Variants in SLC8A1 observed in about 807,000 individuals in gnomAD.
The protein encoded by SLC8A1 is solute carrier family 8 member A1.
In SLC8A1, 18 loss-of-function variants were observed where a neutral mutation model predicts 68.3. The observed-to-expected ratio is 0.26, with a 90% CI of 0.18 to 0.39. SLC8A1 has a LOEUF of 0.39. SLC8A1 is among the 10% of genes least tolerant of loss of function. The pLI, the probability that SLC8A1 is intolerant of heterozygous loss-of-function variation, is 1.00. For missense variants in SLC8A1, 985 were observed against 1,156.7 expected (o/e 0.85, Z 2.15); for synonymous variants, 475 against 415.5 (o/e 1.14, Z -1.74).
At chr2:40,364,509 C>T (rs1469554946) in intron 2 of SLC8A1, among the ~76,000 whole-genome samples, 3 of 148,684 alleles carry the variant, frequency 2.0e-5, no homozygotes, top group Admixed American at 6.7e-5. Context: ...AAATTGAATC[C>T]TTTTTTTTTG....
At chr2:40,127,186 G>A (rs1558453021) in intron 7 of SLC8A1, among the ~76,000 whole-genome samples, 1 of 152,154 alleles carries the variant, frequency 6.6e-6, no homozygotes, top group Non-Finnish European at 1.5e-5. Context: ...CTTGTCATTA[G>A]TATTCCACTG....
At chr2:40,167,008 C>T (rs1286103880) in intron 4 of SLC8A1, among the ~76,000 whole-genome samples, 1 of 152,052 alleles carries the variant, frequency 6.6e-6, no homozygotes, top group Non-Finnish European at 1.5e-5. Flanking sequence ...AGGCAATCTA[C>T]CTAGAAAAAA....
intron 6 of SLC8A1, among the ~76,000 whole-genome samples, chr2:40,159,154 G>A (rs368214177): frequency 1.3e-4 from 20 of 152,230 alleles, no homozygotes; most frequent in Admixed American, 2.6e-4. Flanking sequence ...GACTCTATAC[G>A]TATTTCCTGT....
chr2:40,277,800 A>G lies in SLC8A1; in HGVS notation c.1809-99945T>C, dbSNP rs1045560264. Among the ~76,000 whole-genome samples, 208 of 68,324 alleles carry G rather than the reference A, an allele frequency of 3.0e-3. 1 individual carries two copies. Among genetic ancestry groups the G allele is most frequent in the Middle Eastern group, 0.016 (2 of 126 alleles). 44.8% of individuals were successfully genotyped at this position (68,324 alleles called of 152,430 possible). On this transcript the variant is annotated intron_variant, in intron 2 of 7. Coordinates refer to ENST00000406785, the Ensembl canonical transcript of SLC8A1. ...TAAATATATATATATGTGTGTATAT[A>G]TATATATATATATATATATATATAT...
At chr2:40,439,725 G>C (rs1700125070) in intron 1 of SLC8A1, among the ~76,000 whole-genome samples, 1 of 152,058 alleles carries the variant, frequency 6.6e-6, no homozygotes, top group Admixed American at 6.6e-5. Context: ...ATCAACTTGA[G>C]GTTTTTAAGT....
chr2:40,289,867 T>A (rs1234914783), intron 2 of SLC8A1, among the ~76,000 whole-genome samples: 1 of 143,222 alleles, frequency 7.0e-6, no homozygotes, highest in Non-Finnish European at 1.5e-5. Context: ...TCTCAAAAAT[T>A]AAATTAAATT....
intron 2 of SLC8A1, among the ~76,000 whole-genome samples, chr2:40,352,613 CAA>C (rs765390964): frequency 1.2e-4 from 19 of 152,270 alleles, no homozygotes; most frequent in Admixed American, 2.0e-4. Context: ...TGGCTATAGG[CAA>C]AGAGTGGCTT....
chr2:40,219,740 T>C (rs1372585219), intron 2 of SLC8A1, among the ~76,000 whole-genome samples: 3 of 152,148 alleles, frequency 2.0e-5, no homozygotes, highest in Non-Finnish European at 4.4e-5. Flanking sequence ...ATTTTTAAGT[T>C]TGAGAAATAG....
intron 2 of SLC8A1, among the ~76,000 whole-genome samples, chr2:40,404,186 C>T (rs1309985380): frequency 6.6e-6 from 1 of 152,150 alleles, no homozygotes; most frequent in Non-Finnish European, 1.5e-5. Flanking sequence ...TCAGCCACTG[C>T]ACCCAGCCTA....
At chr2:40,473,076 G>T in intron 1 of SLC8A1, among the ~76,000 whole-genome samples, 1 of 151,852 alleles carries the variant, frequency 6.6e-6, no homozygotes, top group African/African-American at 2.4e-5. Flanking sequence ...GGGGCGGGAG[G>T]GTTGCAATTT....
chr2:40,435,679 T>C (rs35797248), intron 1 of SLC8A1, among the ~76,000 whole-genome samples: 7,736 of 152,246 alleles, frequency 0.051, 375 homozygotes, highest in East Asian at 0.26. Flanking sequence ...AAAGGAAAGA[T>C]AGACTTAGGA....
rs997067930 is a variant in SLC8A1 at position 40,373,593 on chromosome 2, C to T, written c.1808+54880G>A. ...ACTTACATAACCCTATTTAGCCTGC[C>T]GAACAATCCAGTGGAATAGTACTAA... On this transcript the variant is annotated intron_variant, in intron 2 of 7. Transcript: ENST00000406785. Among the ~76,000 whole-genome samples, 5 of 151,902 alleles carry T rather than the reference C, an allele frequency of 3.3e-5. No homozygotes were observed. In the South Asian group the frequency reaches 6.2e-4, roughly 19 times the overall value.
chr2:40,474,422 G>T (rs1239005968), intron 1 of SLC8A1, among the ~76,000 whole-genome samples: 2 of 152,066 alleles, frequency 1.3e-5, no homozygotes, highest in Non-Finnish European at 2.9e-5. Flanking sequence ...ACCTTAAATG[G>T]CCAGATTAAC....
intron 2 of SLC8A1, among the ~76,000 whole-genome samples, chr2:40,352,299 TATCTCTGAAATAA>T (rs1671348938): frequency 6.6e-6 from 1 of 152,180 alleles, no homozygotes; most frequent in Non-Finnish European, 1.5e-5. Context: ...TTAAGAACAT[TATCTCTGAAATAA>T]CATTTTCCAA....
chr2:40,270,058 G>T (rs1415900160), intron 2 of SLC8A1, among the ~76,000 whole-genome samples: 1 of 152,108 alleles, frequency 6.6e-6, no homozygotes, highest in Non-Finnish European at 1.5e-5. Context: ...TACAATAAAT[G>T]GTCAGTAGGT....
At chr2:40,366,494 A>C (rs1248538253) in intron 2 of SLC8A1, among the ~76,000 whole-genome samples, 4 of 152,102 alleles carry the variant, frequency 2.6e-5, no homozygotes, top group South Asian at 2.1e-4. Flanking sequence ...TATAAATTAT[A>C]AGGTGTGAAA....
intron 1 of SLC8A1, among the ~76,000 whole-genome samples, chr2:40,479,390 A>C (rs573946929): frequency 1.3e-5 from 2 of 152,284 alleles, no homozygotes; most frequent in African/African-American, 4.8e-5. Context: ...GCTTGAACCC[A>C]CATTCTTCAT....
intron 1 of SLC8A1, among the ~76,000 whole-genome samples, chr2:40,506,753 C>T (rs1706396647): frequency 6.6e-6 from 1 of 151,700 alleles, no homozygotes; most frequent in Non-Finnish European, 1.5e-5. Flanking sequence ...TCTTTTTAAG[C>T]AAAAGAATAT....
intron 2 of SLC8A1, among the ~76,000 whole-genome samples, chr2:40,416,054 TAAA>T (rs779668065): frequency 2.6e-5 from 3 of 116,236 alleles, no homozygotes; most frequent in Admixed American, 9.2e-5. Flanking sequence ...GGCTCTGTTT[TAAA>T]AAAAAAAAAA....
Sources: allele counts gnomAD v4.1 joint callset (sites outside exome capture counted in the v4.1 genomes callset), GRCh38; gene constraint gnomAD v4.1.1; transcripts MANE v1.5; gene names NCBI Gene and HGNC (gene_info 2026-07-23, HGNC 2026-07-21).